ZFYVE26: variants seen among roughly 807,000 people sequenced by gnomAD.
ZFYVE26 encodes zinc finger FYVE domain-containing protein 26.
Under a neutral mutation model 276.5 loss-of-function variants are expected in ZFYVE26, and 181 were observed. That is an observed-to-expected ratio of 0.65 (90% CI 0.58 to 0.74). ZFYVE26 has a LOEUF of 0.74. Among genes scored for constraint, ZFYVE26 ranks in the 30% least tolerant of loss-of-function variants. The probability of loss-of-function intolerance (pLI) is 0.00; values close to 1 mark genes in which losing one functional copy is unlikely to be tolerated. For missense variants in ZFYVE26, 2,821 were observed against 3,097.9 expected (o/e 0.91, Z 2.12); for synonymous variants, 1,129 against 1,203.1 (o/e 0.94, Z 1.27).
At chr14:67,815,118 A>G (rs1468057952) in intron 2 of ZFYVE26, among the ~76,000 whole-genome samples, 1 of 152,240 alleles carries the variant, frequency 6.6e-6, no homozygotes, top group Non-Finnish European at 1.5e-5. Context: ...GTAATGGAAC[A>G]GTTCTGATCC....
intron 13 of ZFYVE26, among the ~76,000 whole-genome samples, chr14:67,732,692 T>A (rs2140159911): frequency 6.6e-6 from 1 of 152,310 alleles, no homozygotes; most frequent in East Asian, 1.9e-4. Flanking sequence ...TTCTCCTGCA[T>A]CAGCCTCCCA....
intron 34 of ZFYVE26, 94 bp from the exon 35 acceptor site, chr14:67,761,678 C>G (rs1383412769): frequency 9.1e-7 from 1 of 1,100,228 alleles, no homozygotes; most frequent in Non-Finnish European, 1.4e-6. Flanking sequence ...TAACAATGTG[C>G]ACACCAACAT....
chr14:67,768,188 A>C (rs1183179405), intron 30 of ZFYVE26, among the ~76,000 whole-genome samples: 4 of 152,244 alleles, frequency 2.6e-5, no homozygotes, highest in Non-Finnish European at 5.9e-5. Context: ...AACAGGGATT[A>C]CCTAGGGGTA....
At position 67,809,221 on chromosome 14, in the gene ZFYVE26, G is replaced by A. The variant is rs764224783; in HGVS notation, c.342C>T (p.Asp114=). The change falls in exon 4 of 42, where the codon GAC becomes GAT. Residue 114 remains aspartate (D), a synonymous_variant. Transcript: ENST00000347230. ...FLLLSEDLQG[D]IPENILEELY... Reference sequence around the variant, plus strand: ...TCACCTCGAGGATGTTCTCTGGAATGTCACCTTGGAGGTCTTCTGACAATA... The same window carrying A: ...TCACCTCGAGGATGTTCTCTGGAATATCACCTTGGAGGTCTTCTGACAATA... 1 of 1,614,076 alleles carries A rather than the reference G, an allele frequency of 6.2e-7. No individual in the cohort carries two copies. The highest frequency in any genetic ancestry group is 1.1e-5 in the South Asian group (1 of 91,080).
Position 67,798,549 on chromosome 14 carries a change from G to A in ZFYVE26, c.1713C>T (p.Cys571=). The stretch of plus-strand genomic sequence containing the variant: ...AGAAGATGTTTTCCAGAAGCTCCAG[G>A]CACAGAGAGTCAGGAATACTGCACA... ...QYLCSIPDSL[C]LELLENIFSL... Residue 571 remains cysteine, a synonymous_variant, in exon 11 of 42, where the codon TGC becomes TGT. Coordinates refer to ENST00000347230, the MANE Select transcript of ZFYVE26 (RefSeq NM_015346.4). 3 of 1,614,138 alleles carry A rather than the reference G, an allele frequency of 1.9e-6. No homozygotes were observed. Among genetic ancestry groups the A allele is most frequent in the Non-Finnish European group, 2.5e-6 (3 of 1,180,030 alleles).
At chr14:67,778,449 C>T (rs2039410041) in intron 23 of ZFYVE26, 1 of 605,868 alleles carries the variant, frequency 1.7e-6, no homozygotes, top group South Asian at 1.9e-5. Context: ...CATGTGGCAA[C>T]AGACACTTGG....
chr14:67,737,598 A>G (rs529464420), intron 13 of ZFYVE26, among the ~76,000 whole-genome samples: 3 of 152,308 alleles, frequency 2.0e-5, no homozygotes, highest in East Asian at 1.9e-4. Flanking sequence ...TTGGGTGGGG[A>G]CACAGAACCA....
At chr14:67,809,324 GAT>G in intron 3 of ZFYVE26, 35 bp from the exon 4 acceptor site, 2 of 1,484,490 alleles carry the variant, frequency 1.3e-6, no homozygotes, top group East Asian at 2.3e-5. Flanking sequence ...ATAGAGATGA[GAT>G]ATATGTTTTA....
At chr14:67,762,572 G>A in intron 33 of ZFYVE26, 100 bp downstream of exon 33, 2 of 1,588,180 alleles carry the variant, frequency 1.3e-6, no homozygotes, top group Non-Finnish European at 1.7e-6. Context: ...TACCCCATGG[G>A]CAGGACAACT....
chr14:67,758,331 A>G (rs1395733572), intron 35 of ZFYVE26, among the ~76,000 whole-genome samples: 3 of 152,224 alleles, frequency 2.0e-5, no homozygotes, highest in Non-Finnish European at 2.9e-5. Flanking sequence ...CAGGGGCATT[A>G]GCTCTACAGG....
At position 67,748,025 on chromosome 14, in the gene ZFYVE26, C is replaced by T. The variant is rs376837091; in HGVS notation, c.*411G>A. 3.7e-5 allele frequency: 9 copies of T among 241,606 alleles called. No homozygotes were observed. Among genetic ancestry groups the T allele is most frequent in the East Asian group, 3.1e-4 (3 of 9,750 alleles). The allele number at this position is 241,606 out of a possible 1,614,324, so 15.0% of individuals were successfully genotyped here. A position where few individuals can be genotyped will look rare whatever the true frequency, so the allele number is the denominator to read the frequency against. The stretch of plus-strand genomic sequence containing the variant: ...GGGGGACTATACAAACAGGACAACC[C>T]GGGTCAAGAACCAAAACGCAGGGAA... On this transcript the variant is annotated 3_prime_UTR_variant, in exon 42 of 42. Transcript: ENST00000347230.
chr14:67,754,255 C>G, intron 37 of ZFYVE26, 43 bp from the exon 38 acceptor site: 1 of 1,613,488 alleles, frequency 6.2e-7, no homozygotes, highest in Non-Finnish European at 8.5e-7. Context: ...ATGAGGGGCC[C>G]CAGGTGACTG....
intron 13 of ZFYVE26, chr14:67,734,203 AG>A: frequency 3.4e-6 from 1 of 293,410 alleles, no homozygotes; most frequent in Non-Finnish European, 6.8e-6. Flanking sequence ...TGAGGCAAGA[AG>A]AGCACCATCA....
downstream of ZFYVE26, among the ~76,000 whole-genome samples, chr14:67,742,390 A>G (rs914459502): frequency 2.0e-5 from 3 of 152,214 alleles, no homozygotes; most frequent in Admixed American, 1.3e-4. Flanking sequence ...AATGGTTAAA[A>G]TGTTAAATTT....
chr14:67,729,355 G>A, exon 14 of ZFYVE26: 1 of 1,598,112 alleles, frequency 6.3e-7, no homozygotes. Context: ...TGAGGGCCTG[G>A]AGCCCCTGAG....
Position 67,748,469 on chromosome 14 carries a change from G to A in ZFYVE26, c.7587C>T (p.Pro2529=). ...ICAQWLLTSH[P]RGAHGPGSRK is the part of the protein sequence containing the mutation. Reference sequence around the variant, plus strand: ...TGGAGCCTGGGCCATGGGCACCCCGGGGGTGGCTTGTCAGAAGCCACTGGG... The same window carrying A: ...TGGAGCCTGGGCCATGGGCACCCCGAGGGTGGCTTGTCAGAAGCCACTGGG... The change falls in exon 42 of 42, where the codon CCC becomes CCT. Residue 2529 remains proline, a synonymous_variant. Transcript: ENST00000347230. 2 of 1,612,872 alleles carry A rather than the reference G, an allele frequency of 1.2e-6. No individual in the cohort carries two copies. Among genetic ancestry groups the A allele is most frequent in the Non-Finnish European group, 1.7e-6 (2 of 1,179,882 alleles).
At chr14:67,738,133 T>TGCTATGAGTG (rs564997978) in intron 13 of ZFYVE26, among the ~76,000 whole-genome samples, 270 of 152,208 alleles carry the variant, frequency 1.8e-3, no homozygotes, top group Non-Finnish European at 3.1e-3. Context: ...TATACACTGC[T>TGCTATGAGTG]GCTATGAGTG....
chr14:67,809,855 G>A (rs2040264132), intron 3 of ZFYVE26, among the ~76,000 whole-genome samples: 1 of 144,254 alleles, frequency 6.9e-6, no homozygotes, highest in Non-Finnish European at 1.5e-5. Context: ...CGCAATCTCA[G>A]CTCATTGCAA....
intron 10 of ZFYVE26, chr14:67,798,923 G>T: frequency 9.5e-7 from 1 of 1,050,632 alleles, no homozygotes; most frequent in South Asian, 1.4e-5. Flanking sequence ...GCTGAGCTCC[G>T]CTTGGCGCCT....
Sources: allele counts gnomAD v4.1 joint callset (sites outside exome capture counted in the v4.1 genomes callset), GRCh38; gene constraint gnomAD v4.1.1; transcripts MANE v1.5; gene names NCBI Gene and HGNC (gene_info 2026-07-23, HGNC 2026-07-21).